RABGAP1L: variants seen among roughly 807,000 people sequenced by gnomAD.
The protein encoded by RABGAP1L is RAB GTPase activating protein 1 like.
RABGAP1L carries 63 observed loss-of-function variants against 137.7 expected under a neutral mutation model. That is an observed-to-expected ratio of 0.46 (90% CI 0.37 to 0.56). The LOEUF is 0.56. Among genes scored for constraint, RABGAP1L ranks in the 20% least tolerant of loss-of-function variants. The pLI is 0.00. For missense variants in RABGAP1L, 1,095 were observed against 1,244.0 expected (o/e 0.88, Z 1.80); for synonymous variants, 431 against 433.7 (o/e 0.99, Z 0.08).
intron 13 of RABGAP1L, among the ~76,000 whole-genome samples, chr1:174,581,410 A>T (rs1224892429): frequency 6.6e-6 from 1 of 152,252 alleles, no homozygotes; most frequent in African/African-American, 2.4e-5. Flanking sequence ...CCTTGGAAAG[A>T]TGCTAAGCGA....
intron 19 of RABGAP1L, among the ~76,000 whole-genome samples, chr1:174,952,098 T>C (rs1442718706): frequency 1.3e-5 from 2 of 152,232 alleles, no homozygotes; most frequent in Non-Finnish European, 2.9e-5. Context: ...TCTATTATTC[T>C]GTTCATTATG....
At chr1:174,517,587 A>C (rs1035644799) in intron 13 of RABGAP1L, among the ~76,000 whole-genome samples, 4 of 152,196 alleles carry the variant, frequency 2.6e-5, no homozygotes. Flanking sequence ...GTACCTGTTA[A>C]ACTTCTCCCT....
intron 13 of RABGAP1L, among the ~76,000 whole-genome samples, chr1:174,542,518 A>G (rs529273117): frequency 2.0e-5 from 3 of 151,902 alleles, no homozygotes; most frequent in Admixed American, 1.3e-4. Context: ...TGGTCTACCA[A>G]TTTTGTTGAT....
chr1:174,833,134 A>T (rs1370904438), intron 19 of RABGAP1L, among the ~76,000 whole-genome samples: 1 of 151,870 alleles, frequency 6.6e-6, no homozygotes, highest in African/African-American at 2.4e-5. Flanking sequence ...TTTACTACAT[A>T]TTTTCTGAAG....
At chr1:174,782,816 A>G (rs1412900775) in intron 18 of RABGAP1L, among the ~76,000 whole-genome samples, 1 of 152,206 alleles carries the variant, frequency 6.6e-6, no homozygotes, top group Admixed American at 6.5e-5. Context: ...CAGGTAGTAA[A>G]GAGGGCTCAC....
Position 174,835,340 on chromosome 1 carries a change from CTTAG to C in RABGAP1L, c.2340+23387_2340+23390del, listed in dbSNP as rs201793530. On this transcript the variant is annotated intron_variant, in intron 19 of 25. Coordinates refer to ENST00000681986, the MANE Select transcript of RABGAP1L (RefSeq NM_001366446.1). ...AAACTAAAGAGGTTTTTAAAATATT[CTTAG>C]TTAGTTGAACTCGTAATCGAACAAG... Among the ~76,000 whole-genome samples the C allele has an allele frequency of 8.4e-3, 1,277 of 152,224 alleles. 12 individuals are homozygous for C. Among genetic ancestry groups the C allele is most frequent in the Non-Finnish European group, 0.015 (992 of 68,002 alleles).
chr1:174,800,320 C>T (rs1408908946), intron 18 of RABGAP1L: 1 of 1,546,848 alleles, frequency 6.5e-7, no homozygotes, highest in Admixed American at 2.0e-5. Context: ...TTCTGGATAC[C>T]TACTTAGTGC....
chr1:174,279,116 T>C (rs1675267727), intron 10 of RABGAP1L, among the ~76,000 whole-genome samples: 1 of 152,234 alleles, frequency 6.6e-6, no homozygotes, highest in Non-Finnish European at 1.5e-5. Flanking sequence ...AAATATCATA[T>C]GCTTATAAAA....
chr1:174,863,777 C>T (rs900125298), intron 19 of RABGAP1L, among the ~76,000 whole-genome samples: 7 of 151,756 alleles, frequency 4.6e-5, no homozygotes, highest in African/African-American at 1.7e-4. Context: ...GTCAAGAGTT[C>T]GAGACCAGCC....
At chr1:174,624,429 T>C (rs1557918451) in intron 13 of RABGAP1L, among the ~76,000 whole-genome samples, 1 of 152,336 alleles carries the variant, frequency 6.6e-6, no homozygotes. Flanking sequence ...TTTAAGGAAA[T>C]AATGGACTAT....
intron 13 of RABGAP1L, among the ~76,000 whole-genome samples, chr1:174,503,772 C>G (rs1156608226): frequency 6.7e-6 from 1 of 149,524 alleles, no homozygotes; most frequent in Non-Finnish European, 1.5e-5. Context: ...ACAATAGCTA[C>G]AAAAAAATTA....
At chr1:174,843,570 T>C (rs71645220) in intron 19 of RABGAP1L, among the ~76,000 whole-genome samples, 1,923 of 130,484 alleles carry the variant, frequency 0.015, 18 homozygotes, top group Non-Finnish European at 0.022. Flanking sequence ...TCATTTTTTA[T>C]GGCTGCATAG....
chr1:174,823,481 T>G (rs1691248151), intron 19 of RABGAP1L, among the ~76,000 whole-genome samples: 1 of 152,228 alleles, frequency 6.6e-6, no homozygotes, highest in Non-Finnish European at 1.5e-5. Flanking sequence ...GATTTGTATT[T>G]GGGGATCCGA....
chr1:174,302,093 T>C (rs1178776954), intron 10 of RABGAP1L, among the ~76,000 whole-genome samples: 1 of 152,226 alleles, frequency 6.6e-6, no homozygotes, highest in Non-Finnish European at 1.5e-5. Context: ...AGTTCTAAGA[T>C]ACGGACAAGC....
At chr1:174,294,139 G>C (rs1041689696) in intron 10 of RABGAP1L, among the ~76,000 whole-genome samples, 1 of 152,152 alleles carries the variant, frequency 6.6e-6, no homozygotes, top group African/African-American at 2.4e-5. Context: ...ATTCATTTAA[G>C]ACCCTTAGAA....
chr1:174,489,057 G>A (rs1271992017), intron 13 of RABGAP1L, among the ~76,000 whole-genome samples: 1 of 151,708 alleles, frequency 6.6e-6, no homozygotes, highest in East Asian at 1.9e-4. Flanking sequence ...TCAGAATGAT[G>A]GTTTCTAGCT....
intron 14 of RABGAP1L, among the ~76,000 whole-genome samples, chr1:174,642,230 CTTTG>C (rs1674584308): frequency 6.6e-6 from 1 of 151,950 alleles, no homozygotes; most frequent in Admixed American, 6.6e-5. Flanking sequence ...AGATTAATAC[CTTTG>C]TTTATCTGGA....
intron 13 of RABGAP1L, among the ~76,000 whole-genome samples, chr1:174,395,981 T>C (rs1289321467): frequency 3.9e-5 from 6 of 152,122 alleles, no homozygotes; most frequent in African/African-American, 7.2e-5. Context: ...TTTTTAGATA[T>C]GATAACAAAA....
intron 11 of RABGAP1L, among the ~76,000 whole-genome samples, chr1:174,309,959 T>C (rs74470150): frequency 1.3e-5 from 2 of 152,264 alleles, no homozygotes; most frequent in South Asian, 2.1e-4. Flanking sequence ...TCAGTCTTTG[T>C]TAGAATTCAG....
Sources: allele counts gnomAD v4.1 joint callset (sites outside exome capture counted in the v4.1 genomes callset), GRCh38; gene constraint gnomAD v4.1.1; transcripts MANE v1.5; gene names NCBI Gene and HGNC (gene_info 2026-07-23, HGNC 2026-07-21).